ZFAT: variants seen among roughly 807,000 people sequenced by gnomAD.
The protein encoded by ZFAT is zinc finger protein ZFAT.
ZFAT carries 64 observed loss-of-function variants against 117.7 expected under a neutral mutation model. That is an observed-to-expected ratio of 0.54 (90% CI 0.44 to 0.67). The LOEUF (loss-of-function observed/expected upper bound fraction) is 0.67, where lower values mean the gene tolerates loss of function less well. ZFAT is among the 30% of genes least tolerant of loss of function. The probability of loss-of-function intolerance (pLI) is 0.00; values close to 1 mark genes in which losing one functional copy is unlikely to be tolerated. For missense variants in ZFAT, 1,433 were observed against 1,584.5 expected, an observed-to-expected ratio of 0.90 and a Z score of 1.62; for synonymous variants, 679 against 615.0, an observed-to-expected ratio of 1.10 and a Z score of -1.54.
chr8:134,813,058 A>G, the ZFAT span, among the ~76,000 whole-genome samples: 1 of 152,230 alleles, frequency 6.6e-6, no homozygotes, highest in African/African-American at 2.4e-5. Flanking sequence ...AAGAACTGAC[A>G]GCTTTATATT....
intron 11 of ZFAT, among the ~76,000 whole-genome samples, chr8:134,543,367 G>A (rs1438164052): frequency 6.6e-6 from 1 of 152,274 alleles, no homozygotes; most frequent in African/African-American, 2.4e-5. Context: ...TAGTCAGCCA[G>A]GCACATGCAG....
At chr8:134,592,574 C>T (rs1826586929) in intron 7 of ZFAT, among the ~76,000 whole-genome samples, 1 of 152,164 alleles carries the variant, frequency 6.6e-6, no homozygotes, top group Non-Finnish European at 1.5e-5. Context: ...CACAGGGTCA[C>T]AGGAAGGATA....
the ZFAT span, among the ~76,000 whole-genome samples, chr8:134,742,341 C>A: frequency 6.6e-6 from 1 of 152,202 alleles, no homozygotes; most frequent in South Asian, 2.1e-4. Context: ...TTCCCAGAAC[C>A]GCTGGGTCAA....
At chr8:134,482,023 C>T (rs1303314211) in intron 15 of ZFAT, among the ~76,000 whole-genome samples, 3 of 152,322 alleles carry the variant, frequency 2.0e-5, no homozygotes, top group South Asian at 2.1e-4. Context: ...CGGCATGAGA[C>T]GCTCTTCACT....
At chr8:134,717,466 CTTTTTTTTTTTTTTTTTTTTTT>C (rs746460924), upstream of ZFAT, among the ~76,000 whole-genome samples, 5 of 19,334 alleles carry the variant, frequency 2.6e-4, no homozygotes, top group Non-Finnish European at 6.6e-4. Flanking sequence ...AATAACAACT[CTTTTTTTTTTTTTTTTTTTTTT>C]TTTTTTTTTT....
the ZFAT span, among the ~76,000 whole-genome samples, chr8:134,749,313 A>C: frequency 6.6e-6 from 1 of 152,192 alleles, no homozygotes; most frequent in Non-Finnish European, 1.5e-5. Flanking sequence ...GCAACAATAC[A>C]TCTTAGACTG....
At chr8:134,586,177 C>T (rs1189989989) in intron 9 of ZFAT, among the ~76,000 whole-genome samples, 1 of 152,154 alleles carries the variant, frequency 6.6e-6, no homozygotes, top group Non-Finnish European at 1.5e-5. Context: ...AAAAAAGATG[C>T]CAGGATACAG....
chr8:134,608,803 G>A lies in ZFAT; in HGVS notation c.711C>T (p.Asp237=). Residue 237 remains aspartate, a synonymous_variant, in exon 5 of 16, where the codon GAC becomes GAT. Coordinates refer to ENST00000377838, the MANE Select transcript of ZFAT (RefSeq NM_020863.4). The stretch of plus-strand genomic sequence containing the variant: ...CCTGGTAGCCTCTCCGAGGCACCAG[G>A]TCTGCTGAAGTGGTCTCAGAATTTG... ...GATNSETTSA[D]LVPRRGYQEY... 6.2e-7 allele frequency: 1 copy of A among 1,610,632 alleles called. No individual in the cohort carries two copies. Among genetic ancestry groups the A allele is most frequent in the Non-Finnish European group, 8.5e-7 (1 of 1,178,706 alleles).
chr8:134,623,003 A>G (rs945761689), intron 3 of ZFAT, among the ~76,000 whole-genome samples: 2 of 152,042 alleles, frequency 1.3e-5, no homozygotes, highest in Admixed American at 1.3e-4. Context: ...TAGCTTCTCT[A>G]GTCACACATT....
the ZFAT span, among the ~76,000 whole-genome samples, chr8:134,808,952 G>A: frequency 1.3e-5 from 2 of 152,178 alleles, no homozygotes; most frequent in Non-Finnish European, 2.9e-5. Flanking sequence ...ATACTGTGAA[G>A]GATTTGACAG....
chr8:134,786,438 T>C, the ZFAT span, among the ~76,000 whole-genome samples: 1 of 152,224 alleles, frequency 6.6e-6, no homozygotes, highest in Non-Finnish European at 1.5e-5. Context: ...TAAGAGGATG[T>C]TTTATTTTTA....
At chr8:134,588,036 A>C (rs551968811) in intron 9 of ZFAT, among the ~76,000 whole-genome samples, 1 of 152,348 alleles carries the variant, frequency 6.6e-6, no homozygotes, top group African/African-American at 2.4e-5. Flanking sequence ...CCTATGAAGG[A>C]GTGCACACCT....
At chr8:134,548,097 T>A (rs114397407) in intron 11 of ZFAT, among the ~76,000 whole-genome samples, 1 of 152,194 alleles carries the variant, frequency 6.6e-6, no homozygotes, top group Admixed American at 6.5e-5. Flanking sequence ...CACCTGGAAG[T>A]TGGCCATGAT....
intron 2 of ZFAT, among the ~76,000 whole-genome samples, chr8:134,642,499 T>G (rs11995190): frequency 0.48 from 73,772 of 152,116 alleles, 18,466 homozygotes; most frequent in African/African-American, 0.61. Flanking sequence ...CCATAGTCAT[T>G]AAGATTCTGA....
At chr8:134,638,926 A>G (rs1426395945) in intron 2 of ZFAT, among the ~76,000 whole-genome samples, 1 of 151,996 alleles carries the variant, frequency 6.6e-6, no homozygotes, top group Admixed American at 6.6e-5. Context: ...CACTTCAGCA[A>G]CCCTCTTTGA....
the ZFAT span, chr8:134,804,808 A>C: frequency 1.2e-5 from 6 of 509,414 alleles, no homozygotes; most frequent in Admixed American, 4.2e-5. Flanking sequence ...GTTTTCCCAC[A>C]CATTTTATAG....
At chr8:134,757,450 C>T in the ZFAT span, among the ~76,000 whole-genome samples, 1 of 152,166 alleles carries the variant, frequency 6.6e-6, no homozygotes, top group Non-Finnish European at 1.5e-5. Context: ...CTAGGAAGCA[C>T]ACTCTAAAAT....
At chr8:134,553,164 G>A (rs1466350103) in intron 11 of ZFAT, among the ~76,000 whole-genome samples, 1 of 152,182 alleles carries the variant, frequency 6.6e-6, no homozygotes. Flanking sequence ...GACATTCACT[G>A]TTAGAAGGAG....
At chr8:134,604,891 A>G (rs760739038) in intron 5 of ZFAT, among the ~76,000 whole-genome samples, 2 of 152,250 alleles carry the variant, frequency 1.3e-5, no homozygotes, top group Non-Finnish European at 2.9e-5. Context: ...AAGGTGATAC[A>G]TATTATTGGC....
Sources: allele counts gnomAD v4.1 joint callset (sites outside exome capture counted in the v4.1 genomes callset), GRCh38; gene constraint gnomAD v4.1.1; transcripts MANE v1.5; gene names NCBI Gene and HGNC (gene_info 2026-07-23, HGNC 2026-07-21).